ZDHHC13: variants seen among roughly 807,000 people sequenced by gnomAD.
ZDHHC13 encodes zDHHC palmitoyltransferase 13, also known as palmitoyltransferase ZDHHC13.
ZDHHC13 carries 85 observed loss-of-function variants against 86.0 expected under a neutral mutation model. The ratio of observed to expected loss-of-function variants is 0.99; its 90% CI spans 0.83 to 1.18. The LOEUF (loss-of-function observed/expected upper bound fraction) is 1.18, where lower values mean the gene tolerates loss of function less well. Ranked by LOEUF, ZDHHC13 falls within the 50% of genes most tolerant of loss-of-function variation. The pLI is 0.00. For missense variants in ZDHHC13, 711 were observed against 730.2 expected (o/e 0.97, Z 0.30); for synonymous variants, 263 against 246.4 (o/e 1.07, Z -0.63).
intron 10 of ZDHHC13, among the ~76,000 whole-genome samples, chr11:19,162,631 T>A (rs1252474391): frequency 6.6e-6 from 1 of 152,122 alleles, no homozygotes; most frequent in Non-Finnish European, 1.5e-5. Flanking sequence ...GTAATTCACT[T>A]TACTTGGAGA....
intron 3 of ZDHHC13, among the ~76,000 whole-genome samples, chr11:19,146,727 C>A (rs1282960361): frequency 6.6e-6 from 1 of 152,004 alleles, no homozygotes; most frequent in Non-Finnish European, 1.5e-5. Flanking sequence ...TTTAAGTGGG[C>A]ATGTATTGGA....
chr11:19,164,928 A>C (rs189752595), intron 12 of ZDHHC13, 124 bp from the exon 13 acceptor site: 2 of 712,814 alleles, frequency 2.8e-6, no homozygotes, highest in Non-Finnish European at 4.8e-6. Context: ...CCTCTGTGTG[A>C]ATTGATGGTC....
Position 19,153,163 on chromosome 11 carries a change from A to G in ZDHHC13, c.873+479A>G, listed in dbSNP as rs138199999. ...TTTTAGGCATATGATGTCACTTCAT[A>G]AAAGAAAACACTGGAATTTTGAGAG... On this transcript the variant is annotated intron_variant, in intron 8 of 16. Transcript: ENST00000446113. 6.8e-3 allele frequency among the ~76,000 whole-genome samples: 1,040 copies of G among 152,226 alleles called. 9 individuals are homozygous for G. Among genetic ancestry groups the G allele is most frequent in the African/African-American group, 0.024 (982 of 41,566 alleles).
chr11:19,168,378 G>A (rs1850131424), intron 14 of ZDHHC13: 1 of 152,176 alleles, frequency 6.6e-6, no homozygotes, highest in African/African-American at 2.4e-5. Context: ...GCATAAGACT[G>A]TATTGATAAG....
At chr11:19,162,223 G>A (rs951143521) in intron 10 of ZDHHC13, among the ~76,000 whole-genome samples, 1 of 152,160 alleles carries the variant, frequency 6.6e-6, no homozygotes, top group African/African-American at 2.4e-5. Context: ...GACAGCTACT[G>A]TGCAGATCTA....
chr11:19,151,107 T>TA (rs1456240907), intron 6 of ZDHHC13, among the ~76,000 whole-genome samples: 3 of 152,044 alleles, frequency 2.0e-5, no homozygotes, highest in Non-Finnish European at 2.9e-5. Flanking sequence ...CCTTTGGCTT[T>TA]AAAAAAATGG....
chr11:19,160,037 GA>G (rs1565038033), intron 10 of ZDHHC13, among the ~76,000 whole-genome samples: 1 of 151,898 alleles, frequency 6.6e-6, no homozygotes, highest in Non-Finnish European at 1.5e-5. Context: ...TAGCATTTCC[GA>G]AAAGAAAGAA....
intron 5 of ZDHHC13, among the ~76,000 whole-genome samples, chr11:19,150,303 T>C (rs1397199496): frequency 1.3e-5 from 2 of 152,164 alleles, no homozygotes; most frequent in Non-Finnish European, 2.9e-5. Flanking sequence ...ACAAGTTGCC[T>C]CAGAAGATAG....
chr11:19,159,102 T>C (rs1849838641), intron 10 of ZDHHC13, 62 bp downstream of exon 10: 1 of 1,233,632 alleles, frequency 8.1e-7, no homozygotes, highest in East Asian at 2.6e-5. Flanking sequence ...GTAATGTTAT[T>C]GTTAGGAATT....
intron 1 of ZDHHC13, among the ~76,000 whole-genome samples, chr11:19,142,697 A>T (rs964791593): frequency 6.6e-6 from 1 of 152,102 alleles, no homozygotes; most frequent in Non-Finnish European, 1.5e-5. Flanking sequence ...TCTACTGAAC[A>T]GAATTAAGAT....
At chr11:19,140,229 A>G (rs1463009910) in intron 1 of ZDHHC13, among the ~76,000 whole-genome samples, 1 of 151,950 alleles carries the variant, frequency 6.6e-6, no homozygotes, top group Non-Finnish European at 1.5e-5. Context: ...GAAAAAAACA[A>G]ACAACCCCAT....
chr11:19,129,485 A>T (rs920490997), intron 1 of ZDHHC13, among the ~76,000 whole-genome samples: 3 of 152,132 alleles, frequency 2.0e-5, no homozygotes, highest in African/African-American at 7.2e-5. Flanking sequence ...AAGAATTTTC[A>T]TATAAAGAAT....
intron 8 of ZDHHC13, among the ~76,000 whole-genome samples, chr11:19,153,755 G>C (rs1849680750): frequency 6.6e-6 from 1 of 151,920 alleles, no homozygotes; most frequent in Non-Finnish European, 1.5e-5. Context: ...CATCCGCTTT[G>C]ATGTCTAATA....
chr11:19,145,968 A>G (rs1849453356), intron 2 of ZDHHC13, among the ~76,000 whole-genome samples: 1 of 152,226 alleles, frequency 6.6e-6, no homozygotes, highest in East Asian at 1.9e-4. Flanking sequence ...GTTCAACTCC[A>G]AAGAGATTAA....
At position 19,149,321 on chromosome 11, in the gene ZDHHC13, C is replaced by A; in HGVS notation, c.509C>A (p.Ser170Ter). 6.3e-7 allele frequency: 1 copy of A among 1,596,358 alleles called. No homozygotes were observed. The highest frequency in any genetic ancestry group is 1.7e-5 in the Admixed American group (1 of 58,236). ...ATGCCTATTATAGCATATCTCATCTCAAAGGGACAGGTATGTTCTGAAATG... is the reference window on the plus strand; with the variant it reads ...ATGCCTATTATAGCATATCTCATCTAAAAGGGACAGGTATGTTCTGAAATG... ...QHMPIIAYLI[S>*]KGQSVNMTDV... Residue 170 changes from serine to a stop codon, truncating the protein, a stop_gained, in exon 5 of 17, where the codon TCA (serine) becomes TAA (stop). Coordinates refer to ENST00000446113, the MANE Select transcript of ZDHHC13 (RefSeq NM_019028.3). LOFTEE classifies it high-confidence loss of function.
intron 13 of ZDHHC13, 136 bp downstream of exon 13, chr11:19,165,281 C>T (rs377695634): frequency 2.2e-4 from 158 of 714,812 alleles, no homozygotes; most frequent in Non-Finnish European, 3.2e-4. Context: ...GCCCATGCAT[C>T]GTTATTATGC....
At chr11:19,133,682 T>C (rs1176797590) in intron 1 of ZDHHC13, among the ~76,000 whole-genome samples, 3 of 151,766 alleles carry the variant, frequency 2.0e-5, no homozygotes, top group Admixed American at 6.6e-5. Flanking sequence ...AATTAAAAAA[T>C]GTAAAGCTGA....
At chr11:19,151,356 G>A (rs1565033049) in intron 6 of ZDHHC13, among the ~76,000 whole-genome samples, 1 of 151,982 alleles carries the variant, frequency 6.6e-6, no homozygotes, top group African/African-American at 2.4e-5. Context: ...TATCTAGGCA[G>A]ATACTTACGA....
At position 19,176,064 on chromosome 11, in the gene ZDHHC13, A is replaced by G; in HGVS notation, c.*104A>G. On this transcript the variant is annotated 3_prime_UTR_variant, in exon 17 of 17. Coordinates refer to ENST00000446113, the MANE Select transcript of ZDHHC13 (RefSeq NM_019028.3). ...TTTAGAATTCACCTAAGTCCAAAGGAAAACACGTGGTTTTTAAAGCCATTA... is the reference window on the plus strand; with the variant it reads ...TTTAGAATTCACCTAAGTCCAAAGGGAAACACGTGGTTTTTAAAGCCATTA... 7 of 1,321,442 alleles carry G rather than the reference A, an allele frequency of 5.3e-6. No individual in the cohort carries two copies. Among genetic ancestry groups the G allele is most frequent in the Non-Finnish European group, 7.0e-6 (7 of 1,002,846 alleles). 81.9% of individuals were successfully genotyped at this position (1,321,442 alleles called of 1,614,324 possible).
Sources: allele counts gnomAD v4.1 joint callset (sites outside exome capture counted in the v4.1 genomes callset), GRCh38; gene constraint gnomAD v4.1.1; transcripts MANE v1.5; gene names NCBI Gene and HGNC (gene_info 2026-07-23, HGNC 2026-07-21).